Variants in NUP210 observed in about 807,000 individuals in gnomAD.
NUP210 encodes nucleoporin 210.
In NUP210, 151 loss-of-function variants were observed where a neutral mutation model predicts 196.0. The observed-to-expected ratio is 0.77, with a 90% confidence interval of 0.67 to 0.88. The LOEUF is 0.88. Among genes scored for constraint, NUP210 ranks in the 40% least tolerant of loss-of-function variants. The probability of loss-of-function intolerance (pLI) is 0.00; values close to 1 mark genes in which losing one functional copy is unlikely to be tolerated. For missense variants in NUP210, 2,314 were observed against 2,493.7 expected (o/e 0.93, Z 1.53); for synonymous variants, 1,070 against 1,052.7 (o/e 1.02, Z -0.32).
chr3:13,405,649 C>A (rs1699982833), intron 1 of NUP210, among the ~76,000 whole-genome samples: 1 of 152,028 alleles, frequency 6.6e-6, no homozygotes, highest in Admixed American at 6.5e-5. Context: ...ATGAGAAGGG[C>A]AACTGAGGAA....
intron 2 of NUP210, among the ~76,000 whole-genome samples, chr3:13,399,463 A>G (rs1576419347): frequency 6.6e-6 from 1 of 152,156 alleles, no homozygotes; most frequent in East Asian, 1.9e-4. Flanking sequence ...GTTGCTACCC[A>G]TTAAGAGTTA....
At chr3:13,401,281 G>T (rs1380226454) in intron 1 of NUP210, among the ~76,000 whole-genome samples, 1 of 44,666 alleles carries the variant, frequency 2.2e-5, no homozygotes, top group Non-Finnish European at 4.6e-5. Flanking sequence ...AAAAAAAAAA[G>T]GCAATGGTGC....
intron 1 of NUP210, among the ~76,000 whole-genome samples, chr3:13,401,664 C>T (rs1295247210): frequency 6.6e-6 from 1 of 152,170 alleles, no homozygotes; most frequent in Admixed American, 6.5e-5. Flanking sequence ...CTCCGTCCAA[C>T]CATCCAAATG....
chr3:13,386,553 T>C, intron 5 of NUP210, 146 bp from the exon 6 acceptor site: 1 of 1,104,594 alleles, frequency 9.1e-7, no homozygotes. Context: ...ATCCTCACTT[T>C]CAGAACCCAG....
In NUP210 at chr3:13,323,126, A is replaced by C. The variant is rs1696606055; in HGVS notation, c.4768+183T>G. ...TTATGAAGATTCCTTTCACTGGCTC[A>C]GCTTTTGGAGGACTCCAATTTCAGA... On this transcript the variant is annotated intron_variant, in intron 34 of 39. Coordinates refer to ENST00000254508, the MANE Select transcript of NUP210 (RefSeq NM_024923.4). The surrounding 1 kb of genome is among the most constrained non-coding windows in gnomAD (Gnocchi z 4.3). Among the ~76,000 whole-genome samples, 1 of 152,210 alleles carries C rather than the reference A, an allele frequency of 6.6e-6. No individual in the cohort carries two copies. Among genetic ancestry groups the C allele is most frequent in the African/African-American group, 2.4e-5 (1 of 41,458 alleles).
rs918532004 is a variant in NUP210, at chr3:13,379,462, G to A, written c.976+101C>T. ...GATTTTCAGACCGTTGAGGGGAAAC[G>A]GCTATTTTTAGCCCTGCCGAGCTTT... On this transcript the variant is annotated intron_variant, in intron 7 of 39. Transcript: ENST00000254508. This position sits in a 1 kb window ranked among gnomAD's most constrained non-coding sequence, Gnocchi z 4.2. 1.7e-5 allele frequency: 24 copies of A among 1,422,014 alleles called. No individual in the cohort carries two copies. In the African/African-American group the frequency reaches 2.1e-4, roughly 13 times the overall value. The allele number at this position is 1,422,014 out of a possible 1,614,324, so 88.1% of individuals were successfully genotyped here. A position where few individuals can be genotyped will look rare whatever the true frequency, so the allele number is the denominator to read the frequency against.
intron 23 of NUP210, among the ~76,000 whole-genome samples, chr3:13,341,310 T>C (rs575702786): frequency 6.6e-6 from 1 of 152,346 alleles, no homozygotes; most frequent in South Asian, 2.1e-4. Context: ...ATGATACCTC[T>C]GCTCACGCAG....
chr3:13,379,579 G>T lies in NUP210; in HGVS notation c.960C>A (p.Leu320=), dbSNP rs147918044. Residue 320 remains leucine (L), a synonymous_variant, in exon 7 of 40, where the codon CTC becomes CTA. Coordinates refer to ENST00000254508, the MANE Select transcript of NUP210 (RefSeq NM_024923.4). The surrounding 1 kb of genome is among the most constrained non-coding windows in gnomAD (Gnocchi z 4.2). The part of the protein sequence containing the change: ...VTALQLGQSS[L]VLGHRSIRMQ... ...AAAGGATATTCCTGTGGCCAAGGAC[G>T]AGGCTGCTCTGTCCCAGCTGCAGTG... 1 of 1,614,100 alleles carries T rather than the reference G, an allele frequency of 6.2e-7. No homozygotes were observed. The highest frequency in any genetic ancestry group is 1.1e-5 in the South Asian group (1 of 91,072).
chr3:13,360,719 T>C (rs965719869), intron 14 of NUP210, among the ~76,000 whole-genome samples: 41 of 152,204 alleles, frequency 2.7e-4, no homozygotes, highest in African/African-American at 9.9e-4. Context: ...GACAGACTGC[T>C]GGAGGGTGTA....
At chr3:13,320,632 CAAA>C (rs35982089) in intron 36 of NUP210, among the ~76,000 whole-genome samples, 2 of 67,454 alleles carry the variant, frequency 3.0e-5, no homozygotes, top group African/African-American at 1.3e-4. Flanking sequence ...GACTCCGTCT[CAAA>C]AAAAAAAAAA....
rs776740299 is a variant in NUP210 at position 13,325,901 on chromosome 3, T to C, written c.4538A>G (p.Asn1513Ser). Residue 1513 changes from asparagine (N) to serine (S), a missense_variant, in exon 33 of 40, where the codon AAC (asparagine) becomes AGC (serine). Physicochemically the swap from Asn to Ser is conservative, Grantham distance 46. Coordinates refer to ENST00000254508, the MANE Select transcript of NUP210 (RefSeq NM_024923.4). ...GLSGTWSSSA[N>S]SILHIDPKTG... The stretch of plus-strand genomic sequence containing the variant: ...CTTGGGGTCGATGTGGAGGATGCTG[T>C]TGGCCGAGGAGCTCCAGGTTCCTGA... The C allele has an allele frequency of 4.8e-5, 77 of 1,613,968 alleles. No individual in the cohort carries two copies. The highest frequency in any genetic ancestry group is 5.9e-5 in the Non-Finnish European group (70 of 1,180,024).
intron 29 of NUP210, among the ~76,000 whole-genome samples, chr3:13,330,866 C>A (rs1696970468): frequency 6.6e-6 from 1 of 152,212 alleles, no homozygotes; most frequent in South Asian, 2.1e-4. Context: ...AGTGTGGCGT[C>A]TCACTCTTCC....
At chr3:13,343,115 C>G in intron 21 of NUP210, 60 bp downstream of exon 21, 1 of 1,595,908 alleles carries the variant, frequency 6.3e-7, no homozygotes, top group Non-Finnish European at 8.6e-7. Flanking sequence ...TCCCACAGTC[C>G]CCTCCCTCCC....
intron 1 of NUP210, among the ~76,000 whole-genome samples, chr3:13,406,217 AG>A (rs777365828): frequency 4.6e-5 from 7 of 152,214 alleles, no homozygotes; most frequent in Non-Finnish European, 1.0e-4. Context: ...CTGCAACGCC[AG>A]CCATGCCTTC....
chr3:13,319,664 C>T (rs1345239211), intron 37 of NUP210, 99 bp downstream of exon 37: 1 of 1,005,776 alleles, frequency 9.9e-7, no homozygotes, highest in Non-Finnish European at 1.5e-6. Flanking sequence ...TCTGACTCCT[C>T]CATTTCTTAC....
At chr3:13,357,332 G>A (rs1698202637) in intron 16 of NUP210, among the ~76,000 whole-genome samples, 1 of 152,230 alleles carries the variant, frequency 6.6e-6, no homozygotes, top group African/African-American at 2.4e-5. Context: ...CTCCTGAGCA[G>A]CCTCCTCCTC....
At chr3:13,409,381 C>T (rs574934858) in intron 1 of NUP210, among the ~76,000 whole-genome samples, 1 of 152,302 alleles carries the variant, frequency 6.6e-6, no homozygotes, top group South Asian at 2.1e-4. Flanking sequence ...TCCCACAGAG[C>T]TGCTCATCCC....
At chr3:13,373,543 T>G (rs540777942) in intron 12 of NUP210, among the ~76,000 whole-genome samples, 175 bp downstream of exon 12, 2 of 152,356 alleles carry the variant, frequency 1.3e-5, no homozygotes, top group East Asian at 3.9e-4. Flanking sequence ...TGAGACATCC[T>G]GTCCATCTTC....
chr3:13,382,380 C>G (rs1010736602), intron 6 of NUP210, among the ~76,000 whole-genome samples: 10 of 152,220 alleles, frequency 6.6e-5, no homozygotes, highest in Non-Finnish European at 1.5e-4. Context: ...TCACAGGCCT[C>G]ACTTGCAGAC....
Sources: gnomAD v4.1 joint callset for allele counts (sites outside exome capture counted in the v4.1 genomes callset) on GRCh38, gnomAD v4.1.1 for gene constraint, Gnocchi (gnomAD v3.1) non-coding constraint, MANE v1.5 for transcripts, NCBI Gene and HGNC (gene_info 2026-07-23, HGNC 2026-07-21) for gene names.